Variants in PTPRQ observed in about 807,000 individuals in gnomAD.
The protein encoded by PTPRQ is phosphatidylinositol phosphatase PTPRQ.
A neutral mutation model predicts 246.0 loss-of-function variants in PTPRQ; 199 were observed. That is an observed-to-expected ratio of 0.81 (90% CI 0.72 to 0.91). The LOEUF (loss-of-function observed/expected upper bound fraction) is 0.91. Among genes scored for constraint, PTPRQ ranks in the 40% least tolerant of loss-of-function variants. The pLI is 0.00. For synonymous variants in PTPRQ, 869 were observed against 853.2 expected, an observed-to-expected ratio of 1.02 and a Z score of -0.32; for missense variants, 2,624 against 2,528.4, an observed-to-expected ratio of 1.04 and a Z score of -0.81.
intron 6 of PTPRQ, chr12:80,465,212 G>A (rs1178560639): frequency 1.3e-5 from 2 of 151,720 alleles, no homozygotes; most frequent in Non-Finnish European, 2.9e-5. Context: ...TACCATCAGA[G>A]AATACTACAA....
At chr12:80,464,947 A>G (rs939776496) in intron 6 of PTPRQ, among the ~76,000 whole-genome samples, 4 of 37,364 alleles carry the variant, frequency 1.1e-4, no homozygotes. Flanking sequence ...TAAAAGAACT[A>G]GAAAAGCAAG....
chr12:80,595,877 C>T (rs938431220), intron 26 of PTPRQ, among the ~76,000 whole-genome samples: 4 of 151,676 alleles, frequency 2.6e-5, no homozygotes, highest in African/African-American at 7.3e-5. Context: ...CATTAATTAA[C>T]ATAAGAAATA....
chr12:80,657,809 AT>A, intron 38 of PTPRQ, among the ~76,000 whole-genome samples, 175 bp from the exon 39 acceptor site: 1 of 152,036 alleles, frequency 6.6e-6, no homozygotes, highest in East Asian at 1.9e-4. Flanking sequence ...GGACATATTA[AT>A]AGTCATTGTC....
intron 12 of PTPRQ, among the ~76,000 whole-genome samples, 169 bp from the exon 13 acceptor site, chr12:80,495,830 C>A (rs1213204238): frequency 6.6e-6 from 1 of 151,932 alleles, no homozygotes; most frequent in African/African-American, 2.4e-5. Context: ...AAGTCACCAA[C>A]ATGGAAAGGC....
intron 3 of PTPRQ, among the ~76,000 whole-genome samples, chr12:80,453,055 T>C (rs1196190279): frequency 6.6e-6 from 1 of 152,130 alleles, no homozygotes; most frequent in African/African-American, 2.4e-5. Context: ...CTTGGAGGCT[T>C]TGTTCATTTC....
intron 19 of PTPRQ, among the ~76,000 whole-genome samples, chr12:80,537,724 G>A (rs927952004): frequency 4.6e-5 from 7 of 152,104 alleles, no homozygotes; most frequent in Admixed American, 3.9e-4. Context: ...GTTGCACATT[G>A]TATTTTGTAC....
chr12:80,573,066 T>C lies in PTPRQ; in HGVS notation c.4286-15063T>C, dbSNP rs75840513. Among the ~76,000 whole-genome samples the C allele has an allele frequency of 1.4e-3, 213 of 152,334 alleles. 1 individual carries two copies. In the East Asian group the frequency reaches 0.037, roughly 26 times the overall value. Reference sequence around the variant, plus strand: ...CCTCCTTTATTTTCACAGTTATTATTTCATCCTAAACTATTTGATAGAATT... The same window carrying C: ...CCTCCTTTATTTTCACAGTTATTATCTCATCCTAAACTATTTGATAGAATT... On this transcript the variant is annotated intron_variant, in intron 25 of 44. Transcript: ENST00000644991.
chr12:80,477,297 T>C (rs1893843221), intron 8 of PTPRQ, among the ~76,000 whole-genome samples: 1 of 152,226 alleles, frequency 6.6e-6, no homozygotes, highest in Admixed American at 6.5e-5. Context: ...ACCAACTATA[T>C]TTAATTGCAT....
intron 6 of PTPRQ, among the ~76,000 whole-genome samples, chr12:80,463,008 C>G (rs957515398): frequency 2.6e-5 from 4 of 152,054 alleles, no homozygotes; most frequent in African/African-American, 9.7e-5. Flanking sequence ...CAGAACAAAG[C>G]TGGACAGAGA....
chr12:80,455,804 T>C (rs763778867), intron 3 of PTPRQ, among the ~76,000 whole-genome samples: 7 of 152,092 alleles, frequency 4.6e-5, no homozygotes, highest in Non-Finnish European at 1.0e-4. Context: ...TTTCACTATG[T>C]TGGTCAGACT....
At chr12:80,613,537 A>C (rs1898633787) in intron 28 of PTPRQ, 55 bp from the exon 29 acceptor site, 1 of 1,415,250 alleles carries the variant, frequency 7.1e-7, no homozygotes, top group African/African-American at 1.5e-5. Flanking sequence ...ATTTATGTGG[A>C]GATAAAAAGG....
At chr12:80,500,755 G>C (rs73347733) in intron 14 of PTPRQ, among the ~76,000 whole-genome samples, 1 of 151,994 alleles carries the variant, frequency 6.6e-6, no homozygotes, top group Admixed American at 6.6e-5. Context: ...CACCGTACTA[G>C]GTAGTGTAGC....
intron 25 of PTPRQ, among the ~76,000 whole-genome samples, chr12:80,565,370 C>T (rs920793500): frequency 1.3e-5 from 2 of 152,156 alleles, no homozygotes; most frequent in African/African-American, 2.4e-5. Flanking sequence ...GTTCTTTGAG[C>T]AGTGTTTTTA....
intron 37 of PTPRQ, among the ~76,000 whole-genome samples, chr12:80,650,305 A>G (rs1175658540): frequency 3.6e-5 from 5 of 138,852 alleles, no homozygotes; most frequent in Middle Eastern, 3.6e-3. Flanking sequence ...TCTACTTAAA[A>G]GTTGGGAATA....
intron 35 of PTPRQ, among the ~76,000 whole-genome samples, chr12:80,645,305 T>C (rs949234160): frequency 6.6e-6 from 1 of 152,082 alleles, no homozygotes; most frequent in Non-Finnish European, 1.5e-5. Context: ...ACTCACATGC[T>C]TTTTGTTGAT....
At chr12:80,631,046 T>A (rs1209051741) in intron 33 of PTPRQ, among the ~76,000 whole-genome samples, 1 of 152,162 alleles carries the variant, frequency 6.6e-6, no homozygotes, top group Admixed American at 6.5e-5. Context: ...GTCACTCCTT[T>A]AACATTTATG....
chr12:80,461,050 C>A (rs1057022459), intron 6 of PTPRQ, 148 bp downstream of exon 6: 1 of 384,344 alleles, frequency 2.6e-6, no homozygotes, highest in South Asian at 1.4e-4. Context: ...AGGGTTTCTT[C>A]GAATTTCTAT....
chr12:80,502,790 T>A (rs1298670839), intron 14 of PTPRQ, among the ~76,000 whole-genome samples: 3 of 151,754 alleles, frequency 2.0e-5, no homozygotes, highest in African/African-American at 7.3e-5. Flanking sequence ...AATGACAAAG[T>A]CTTAGGTGTT....
intron 18 of PTPRQ, 43 bp downstream of exon 18, chr12:80,534,218 T>G: frequency 4.9e-6 from 7 of 1,424,710 alleles, no homozygotes; most frequent in Non-Finnish European, 6.5e-6. Context: ...GTTCTTTTTC[T>G]TTAAAAAAAA....
Sources: gnomAD v4.1 joint callset for allele counts (sites outside exome capture counted in the v4.1 genomes callset) on GRCh38, gnomAD v4.1.1 for gene constraint, MANE v1.5 for transcripts, NCBI Gene and HGNC (gene_info 2026-07-23, HGNC 2026-07-21) for gene names.